Variants in CTNNA3 observed in about 807,000 individuals in gnomAD.
CTNNA3 encodes catenin alpha-3.
Under a neutral mutation model 95.7 loss-of-function variants are expected in CTNNA3, and 76 were observed. The ratio of observed to expected loss-of-function variants is 0.79; its 90% confidence interval spans 0.66 to 0.96. The LOEUF (loss-of-function observed/expected upper bound fraction) is 0.96, where lower values mean the gene tolerates loss of function less well. Among genes scored for constraint, CTNNA3 ranks in the 40% least tolerant of loss-of-function variants. CTNNA3 has a pLI of 0.00. For missense variants in CTNNA3, 1,191 were observed against 1,089.8 expected (o/e 1.09, Z -1.31); for synonymous variants, 431 against 374.4 (o/e 1.15, Z -1.74).
intron 10 of CTNNA3, among the ~76,000 whole-genome samples, chr10:66,576,428 C>T (rs1843004473): frequency 1.3e-5 from 2 of 151,968 alleles, no homozygotes; most frequent in African/African-American, 4.8e-5. Flanking sequence ...AGCCCATCAC[C>T]AAGGTAGTGA....
intron 5 of CTNNA3, among the ~76,000 whole-genome samples, chr10:67,514,642 C>G (rs1490737048): frequency 6.6e-6 from 1 of 151,540 alleles, no homozygotes; most frequent in Non-Finnish European, 1.5e-5. Context: ...CACAAATAAG[C>G]ACCATATTGA....
At position 67,389,467 on chromosome 10, in the gene CTNNA3, C is replaced by T. The variant is rs559626845; in HGVS notation, c.579+132375G>A. On this transcript the variant is annotated intron_variant, in intron 5 of 17. Coordinates refer to ENST00000433211, the MANE Select transcript of CTNNA3 (RefSeq NM_013266.4). The stretch of plus-strand genomic sequence containing the variant: ...ACTCCCACACATTAAAAATGGGAGA[C>T]TTTAACACCCCACTGTCAACATTAG... Among the ~76,000 whole-genome samples the T allele has an allele frequency of 9.5e-4, 145 of 152,132 alleles. 1 individual carries two copies. Among genetic ancestry groups the T allele is most frequent in the African/African-American group, 3.3e-3 (138 of 41,474 alleles).
intron 7 of CTNNA3, among the ~76,000 whole-genome samples, chr10:66,939,624 T>G (rs1261497454): frequency 6.6e-6 from 1 of 152,204 alleles, no homozygotes; most frequent in Admixed American, 6.5e-5. Context: ...AATTACAATT[T>G]GTAAGGTAGG....
chr10:66,197,888 C>T (rs996454435), intron 13 of CTNNA3, among the ~76,000 whole-genome samples: 2 of 151,968 alleles, frequency 1.3e-5, no homozygotes, highest in African/African-American at 4.8e-5. Flanking sequence ...ATAAAAATTT[C>T]AATTCAGAGA....
chr10:66,328,278 G>A (rs1356361251), intron 12 of CTNNA3, among the ~76,000 whole-genome samples: 4 of 152,036 alleles, frequency 2.6e-5, no homozygotes, highest in Non-Finnish European at 5.9e-5. Context: ...GCAAAACAGG[G>A]CTTAGATCAT....
At chr10:67,299,858 A>G (rs1168676638) in intron 5 of CTNNA3, among the ~76,000 whole-genome samples, 1 of 152,268 alleles carries the variant, frequency 6.6e-6, no homozygotes, top group Admixed American at 6.5e-5. Context: ...ACACTAAGTT[A>G]AATTGTTTCT....
chr10:67,072,192 G>A (rs1457438391), intron 7 of CTNNA3, among the ~76,000 whole-genome samples: 2 of 152,128 alleles, frequency 1.3e-5, no homozygotes, highest in African/African-American at 2.4e-5. Flanking sequence ...GGCCTCAAGT[G>A]ATCCTTCCAC....
At chr10:66,564,749 G>T (rs527746648) in intron 10 of CTNNA3, among the ~76,000 whole-genome samples, 18 of 152,312 alleles carry the variant, frequency 1.2e-4, no homozygotes, top group Middle Eastern at 3.4e-3. Context: ...ACAAGGAAGA[G>T]AACTAACATA....
intron 11 of CTNNA3, among the ~76,000 whole-genome samples, chr10:66,394,175 T>C (rs976382621): frequency 6.6e-6 from 1 of 152,050 alleles, no homozygotes; most frequent in African/African-American, 2.4e-5. Context: ...AAAGCTTACA[T>C]TGACTATGCT....
intron 7 of CTNNA3, among the ~76,000 whole-genome samples, chr10:66,921,647 G>T (rs1454732539): frequency 6.6e-6 from 1 of 152,062 alleles, no homozygotes; most frequent in African/African-American, 2.4e-5. Context: ...TATCCTTCAA[G>T]GTTTGCTCAG....
intron 7 of CTNNA3, among the ~76,000 whole-genome samples, chr10:66,973,463 A>C (rs1849839147): frequency 6.6e-6 from 1 of 152,236 alleles, no homozygotes; most frequent in African/African-American, 2.4e-5. Context: ...TTAATTTCAT[A>C]GTAACTAAAC....
chr10:67,247,113 T>TCACTAGTTCTATCCAACATTG (rs1319743269), intron 5 of CTNNA3, among the ~76,000 whole-genome samples: 1 of 152,232 alleles, frequency 6.6e-6, no homozygotes, highest in Non-Finnish European at 1.5e-5. Context: ...ATGTCCCCTT[T>TCACTAGTTCTATCCAACATTG]CACTAGTTCT....
chr10:66,707,437 T>C (rs1466459105), intron 9 of CTNNA3, among the ~76,000 whole-genome samples: 3 of 152,058 alleles, frequency 2.0e-5, no homozygotes, highest in Admixed American at 2.0e-4. Flanking sequence ...GTAAAATCTT[T>C]GAGGGCAGGG....
intron 7 of CTNNA3, among the ~76,000 whole-genome samples, chr10:67,040,022 G>A (rs908447549): frequency 6.6e-6 from 1 of 152,088 alleles, no homozygotes; most frequent in African/African-American, 2.4e-5. Flanking sequence ...TGCTGATCAT[G>A]AGGAGGGTTA....
chr10:67,491,428 G>C (rs1224106217), intron 5 of CTNNA3, among the ~76,000 whole-genome samples: 1 of 152,148 alleles, frequency 6.6e-6, no homozygotes, highest in Non-Finnish European at 1.5e-5. Context: ...AAAGTATACA[G>C]GAAATCCTTT....
chr10:66,673,773 A>C (rs1846748255), intron 9 of CTNNA3, among the ~76,000 whole-genome samples: 1 of 151,996 alleles, frequency 6.6e-6, no homozygotes, highest in South Asian at 2.1e-4. Flanking sequence ...GAATAAAATA[A>C]ACAGGAGTTT....
At chr10:67,716,127 G>A (rs1238163160) in intron 1 of CTNNA3, among the ~76,000 whole-genome samples, 1 of 152,022 alleles carries the variant, frequency 6.6e-6, no homozygotes, top group African/African-American at 2.4e-5. Context: ...ATCAATTCAT[G>A]TTATCAAATA....
intron 9 of CTNNA3, among the ~76,000 whole-genome samples, chr10:66,702,738 T>TAGC (rs1329779423): frequency 0.018 from 1,932 of 109,930 alleles, 50 homozygotes; most frequent in African/African-American, 0.055. Flanking sequence ...GAATAAGTAG[T>TAGC]AGTAGTAGTA....
chr10:67,337,360 T>C (rs188259761), intron 5 of CTNNA3, among the ~76,000 whole-genome samples: 5 of 152,284 alleles, frequency 3.3e-5, no homozygotes, highest in East Asian at 3.9e-4. Context: ...ATATGGGTAA[T>C]TGCTGCAATC....
Sources: gnomAD v4.1 joint callset for allele counts (sites outside exome capture counted in the v4.1 genomes callset) on GRCh38, gnomAD v4.1.1 for gene constraint, MANE v1.5 for transcripts, NCBI Gene and HGNC (gene_info 2026-07-23, HGNC 2026-07-21) for gene names.